The following SOX5 variants were observed in gnomAD, a reference collection of about 807,000 sequenced individuals.
The protein encoded by SOX5 is transcription factor SOX-5.
Under a neutral mutation model 92.0 loss-of-function variants are expected in SOX5, and 9 were observed. The observed-to-expected ratio is 0.10, with a 90% CI of 0.06 to 0.17. The LOEUF (loss-of-function observed/expected upper bound fraction) is 0.17. Among genes scored for constraint, SOX5 ranks in the 10% least tolerant of loss-of-function variants. The pLI, the probability that SOX5 is intolerant of heterozygous loss-of-function variation, is 1.00. For synonymous variants in SOX5, 344 were observed against 336.3 expected (o/e 1.02, Z -0.25); for missense variants, 642 against 944.5 (o/e 0.68, Z 4.20).
chr12:23,547,533 C>A (rs1033019945), intron 11 of SOX5, among the ~76,000 whole-genome samples: 13 of 151,872 alleles, frequency 8.6e-5, no homozygotes, highest in South Asian at 2.1e-4. Context: ...ATGTTCCCAC[C>A]AAGAACTAAT....
At position 24,424,289 on chromosome 12, in the gene SOX5, C is replaced by T. The variant is rs79066248; in HGVS notation, c.-250-55650G>A. ...ATTTGCATAGTAATAACCCAATTAT[C>T]GTAAGATTAGGTGACAGGAATCTCA... On this transcript the variant is annotated intron_variant, in intron 1 of 4. Transcript: ENST00000446891. Among the ~76,000 whole-genome samples, 696 of 152,184 alleles carry T rather than the reference C, an allele frequency of 4.6e-3. 11 individuals are homozygous for T. In the East Asian group the frequency reaches 0.051, roughly 11 times the overall value.
At chr12:23,888,599 C>G (rs915440100) in intron 2 of SOX5, among the ~76,000 whole-genome samples, 1 of 152,158 alleles carries the variant, frequency 6.6e-6, no homozygotes, top group Non-Finnish European at 1.5e-5. Context: ...ACAAAATGAT[C>G]GATTGCACAA....
chr12:24,095,122 C>CAGAGAGAG lies in SOX5; in HGVS notation c.-2+118220_-2+118221insCTCTCTCT, dbSNP rs1375437943. On this transcript the variant is annotated intron_variant, in intron 4 of 4. Coordinates refer to the SOX5 transcript ENST00000446891. ...ACACACACACACACACACACACACA[C>CAGAGAGAG]ACACACAGAGAGAGAGAGAGAGAGA... 8.6e-3 allele frequency among the ~76,000 whole-genome samples: 802 copies of CAGAGAGAG among 93,792 alleles called. 9 individuals carry two copies. The highest frequency in any genetic ancestry group is 0.056 in the East Asian group (159 of 2,848). The allele number at this position is 93,792 out of a possible 152,430, so 61.5% of individuals were successfully genotyped here.
At chr12:23,679,876 C>A (rs1428769432) in intron 6 of SOX5, among the ~76,000 whole-genome samples, 1 of 151,398 alleles carries the variant, frequency 6.6e-6, no homozygotes, top group Non-Finnish European at 1.5e-5. Context: ...CCAAAGATAT[C>A]AAGGTAGTGG....
At chr12:24,038,200 T>C (rs558619539) in intron 4 of SOX5, among the ~76,000 whole-genome samples, 1 of 152,246 alleles carries the variant, frequency 6.6e-6, no homozygotes, top group Non-Finnish European at 1.5e-5. Context: ...AGAAACCATG[T>C]GAATGTGGAA....
At chr12:23,784,645 T>A (rs2095346681) in intron 3 of SOX5, among the ~76,000 whole-genome samples, 1 of 152,114 alleles carries the variant, frequency 6.6e-6, no homozygotes, top group Non-Finnish European at 1.5e-5. Flanking sequence ...TATTTACACA[T>A]CAAATTTACA....
Position 24,366,007 on chromosome 12 carries a change from T to C in SOX5, c.-174+2556A>G, listed in dbSNP as rs149647327. ...TCATTTTGCCTCTTTATTCAGGAAA[T>C]AGTCCCAGTAACAACTCATTATCCT... On this transcript the variant is annotated intron_variant, in intron 2 of 4. Coordinates refer to the SOX5 transcript ENST00000446891. Among the ~76,000 whole-genome samples the C allele has an allele frequency of 9.0e-3, 1,371 of 152,260 alleles. 15 individuals carry two copies. The highest frequency in any genetic ancestry group is 0.03 in the African/African-American group (1,255 of 41,564).
At position 23,604,853 on chromosome 12, in the gene SOX5, C is replaced by T. The variant is rs961880173; in HGVS notation, c.1018-320G>A. ...TATCTAGTTAAGAGCTCTTTATATTCTACTTTAAATTTACACAGTGTGTTA... is the reference window on the plus strand; with the variant it reads ...TATCTAGTTAAGAGCTCTTTATATTTTACTTTAAATTTACACAGTGTGTTA... On this transcript the variant is annotated intron_variant, in intron 8 of 14. Transcript: ENST00000451604. Among the ~76,000 whole-genome samples, 4 of 152,274 alleles carry T rather than the reference C, an allele frequency of 2.6e-5. No individual in the cohort carries two copies. In the East Asian group the frequency reaches 7.7e-4, roughly 29 times the overall value.
At chr12:24,495,003 A>G (rs948009279) in intron 1 of SOX5, among the ~76,000 whole-genome samples, 1 of 152,162 alleles carries the variant, frequency 6.6e-6, no homozygotes, top group Non-Finnish European at 1.5e-5. Context: ...ATAGCATGGC[A>G]ATTTGGAGTA....
At chr12:24,181,507 A>G (rs771895153) in intron 4 of SOX5, among the ~76,000 whole-genome samples, 6 of 152,184 alleles carry the variant, frequency 3.9e-5, no homozygotes, top group Non-Finnish European at 8.8e-5. Context: ...TAATGTATCT[A>G]TCTCCACTTA....
intron 4 of SOX5, among the ~76,000 whole-genome samples, chr12:24,005,107 G>C (rs1952016538): frequency 6.6e-6 from 1 of 151,774 alleles, no homozygotes; most frequent in Non-Finnish European, 1.5e-5. Flanking sequence ...TGGGCATGAG[G>C]TATCTTTTTG....
intron 1 of SOX5, among the ~76,000 whole-genome samples, chr12:24,463,612 T>C (rs1031787503): frequency 6.6e-6 from 1 of 152,204 alleles, no homozygotes; most frequent in African/African-American, 2.4e-5. Context: ...GGGGTGAGCT[T>C]GCCAGGTGTA....
chr12:23,924,491 G>A (rs1262161415), intron 1 of SOX5, among the ~76,000 whole-genome samples: 1 of 152,110 alleles, frequency 6.6e-6, no homozygotes, highest in African/African-American at 2.4e-5. Context: ...CTAATATAAT[G>A]TTTTCTTCCC....
chr12:23,537,847 G>A (rs1273163406), intron 13 of SOX5, among the ~76,000 whole-genome samples: 1 of 152,066 alleles, frequency 6.6e-6, no homozygotes, highest in Non-Finnish European at 1.5e-5. Context: ...CTCGCGGTGA[G>A]TGTTACAGTT....
intron 3 of SOX5, among the ~76,000 whole-genome samples, chr12:23,804,310 A>G (rs540468109): frequency 1.3e-3 from 197 of 152,306 alleles, no homozygotes; most frequent in African/African-American, 4.5e-3. Flanking sequence ...CCATTTAAAT[A>G]GAAAAAAATC....
chr12:23,755,907 A>G (rs1010241055), intron 3 of SOX5, among the ~76,000 whole-genome samples, 183 bp from the exon 4 acceptor site: 34 of 151,834 alleles, frequency 2.2e-4, no homozygotes, highest in Admixed American at 5.3e-4. Flanking sequence ...CTGTTTCAAA[A>G]TCATTAGCTT....
At chr12:24,001,907 T>C (rs1231028231) in intron 4 of SOX5, among the ~76,000 whole-genome samples, 2 of 152,116 alleles carry the variant, frequency 1.3e-5, no homozygotes, top group African/African-American at 4.8e-5. Flanking sequence ...AAAGTTGCAG[T>C]AAGCTATGAT....
chr12:23,955,680 C>T (rs180740304), upstream of SOX5, among the ~76,000 whole-genome samples: 15 of 151,944 alleles, frequency 9.9e-5, no homozygotes, highest in Non-Finnish European at 1.6e-4. Flanking sequence ...GGTTTGTTCG[C>T]TTATGAAGAT....
At chr12:24,074,630 C>CAAAAAAAAAA (rs76320418) in intron 4 of SOX5, among the ~76,000 whole-genome samples, 25 of 51,274 alleles carry the variant, frequency 4.9e-4, no homozygotes, top group South Asian at 1.0e-3. Context: ...TGTAAACTAC[C>CAAAAAAAAAA]AAAAAAAAAA....
Sources: allele counts gnomAD v4.1 joint callset (sites outside exome capture counted in the v4.1 genomes callset), GRCh38; gene constraint gnomAD v4.1.1; transcripts MANE v1.5; gene names NCBI Gene and HGNC (gene_info 2026-07-23, HGNC 2026-07-21).